The following BRCC3 variants were observed in gnomAD, a reference collection of about 807,000 sequenced individuals.
The protein encoded by BRCC3 is lys-63-specific deubiquitinase BRCC36.
In BRCC3, 15 loss-of-function variants were observed where a neutral mutation model predicts 28.0. The observed-to-expected ratio is 0.54, with a 90% CI of 0.36 to 0.82. The LOEUF is 0.82. Among genes scored for constraint, BRCC3 ranks in the 40% least tolerant of loss-of-function variants. The probability of loss-of-function intolerance (pLI) is 0.01; values close to 1 mark genes in which losing one functional copy is unlikely to be tolerated. For missense variants in BRCC3, 109 were observed against 225.9 expected (o/e 0.48, Z 3.32); for synonymous variants, 66 against 80.3 (o/e 0.82, Z 0.95).
At chrX:155,076,409 A>G (rs1243158742) in intron 3 of BRCC3, among the ~76,000 whole-genome samples, 1 of 106,389 alleles carries the variant, frequency 9.4e-6, no homozygotes, top group Admixed American at 1.0e-4. Context: ...ACAAAAAAAC[A>G]AAAAAAAAAC....
chrX:155,114,106 TG>T (rs2074339348), intron 7 of BRCC3, among the ~76,000 whole-genome samples: 1 of 111,420 alleles, frequency 9.0e-6, no homozygotes, highest in Non-Finnish European at 1.9e-5. Flanking sequence ...TCTCACTTCT[TG>T]GGTGTATATC....
At chrX:155,107,038 A>G (rs1447473759) in intron 7 of BRCC3, among the ~76,000 whole-genome samples, 1 of 111,618 alleles carries the variant, frequency 9.0e-6, no homozygotes, top group Admixed American at 9.4e-5. Context: ...TATGTTAGCC[A>G]GTGGTGTGTC....
At chrX:155,088,807 T>C (rs1212254531) in intron 5 of BRCC3, among the ~76,000 whole-genome samples, 1 of 112,068 alleles carries the variant, frequency 8.9e-6, no homozygotes, top group Non-Finnish European at 1.9e-5. Flanking sequence ...AATGTTGAAT[T>C]TATATCACAA....
chrX:155,080,221 C>T (rs2074075313), intron 5 of BRCC3, among the ~76,000 whole-genome samples: 1 of 111,562 alleles, frequency 9.0e-6, no homozygotes, highest in South Asian at 3.7e-4. Context: ...ATTATTTTCA[C>T]TATAGTAATA....
chrX:155,077,844 C>T (rs1376423226), intron 4 of BRCC3, among the ~76,000 whole-genome samples: 1 of 112,131 alleles, frequency 8.9e-6, no homozygotes, highest in Non-Finnish European at 1.9e-5. Context: ...CCCCATCCCA[C>T]TTTTGTTTTC....
rs781799097 is a variant in BRCC3 at position 155,093,003 on chromosome X, T to C, written c.548+2164T>C. Among the ~76,000 whole-genome samples the C allele has an allele frequency of 5.4e-5, 6 of 111,425 alleles. No homozygotes were observed. The East Asian group carries it at 1.7e-3, about 31-fold the overall frequency. On this transcript the variant is annotated intron_variant, in intron 7 of 10. Transcript: ENST00000330045. Reference sequence around the variant, plus strand: ...TCATAACTTTGAAGGCATTGTTTCATTGTTTTTAAACATCCAATGTTACTG... The same window carrying C: ...TCATAACTTTGAAGGCATTGTTTCACTGTTTTTAAACATCCAATGTTACTG...
intron 5 of BRCC3, among the ~76,000 whole-genome samples, chrX:155,082,779 G>T (rs782781666): frequency 2.8e-4 from 31 of 112,346 alleles, no homozygotes; most frequent in Non-Finnish European, 5.4e-4. Context: ...TTCACATTTT[G>T]CCAGTTAACT....
At chrX:155,082,241 C>T (rs1013089659) in intron 5 of BRCC3, among the ~76,000 whole-genome samples, 2 of 111,851 alleles carry the variant, frequency 1.8e-5, no homozygotes, top group Admixed American at 9.4e-5. Context: ...TGTGCCCTAC[C>T]GTAGCAACAT....
intron 9 of BRCC3, 41 bp downstream of exon 9, chrX:155,116,795 AT>A: frequency 1.0e-6 from 1 of 1,000,988 alleles, no homozygotes; most frequent in Non-Finnish European, 1.4e-6. Flanking sequence ...TTTTCTGACT[AT>A]TTCCCTGAAA....
At chrX:155,086,517 AT>A (rs1179189636) in intron 5 of BRCC3, among the ~76,000 whole-genome samples, 113 of 102,386 alleles carry the variant, frequency 1.1e-3, no homozygotes, top group East Asian at 2.4e-3. Context: ...CGCCTGGCTA[AT>A]TTTTTTTTTT....
In BRCC3 at chrX:155,122,343, A is replaced by G. The variant is rs1557299570; in HGVS notation, c.*1139A>G. ...CTCAATGGCTAAAGAAAAAATAGTG[A>G]AAATACCAAATACTGATGAGGATAC... On this transcript the variant is annotated 3_prime_UTR_variant, in exon 11 of 11. Coordinates refer to ENST00000330045, the MANE Select transcript of BRCC3 (RefSeq NM_001018055.3). 8.9e-6 allele frequency: 1 copy of G among 112,061 alleles called. No homozygotes were observed. Among genetic ancestry groups the G allele is most frequent in the Non-Finnish European group, 1.9e-5 (1 of 53,208 alleles). 9.2% of individuals were successfully genotyped at this position (112,061 alleles called of 1,213,427 possible).
intron 7 of BRCC3, among the ~76,000 whole-genome samples, chrX:155,101,685 T>G (rs782080330): frequency 5.4e-5 from 6 of 112,015 alleles, no homozygotes; most frequent in Non-Finnish European, 7.5e-5. Flanking sequence ...TGTGTTATTT[T>G]GACCTACTCC....
chrX:155,104,491 C>T (rs868958740), intron 7 of BRCC3, among the ~76,000 whole-genome samples: 4 of 112,359 alleles, frequency 3.6e-5, no homozygotes, highest in East Asian at 5.6e-4. Context: ...ATTTTCCATT[C>T]GGACTGTTGA....
intron 7 of BRCC3, among the ~76,000 whole-genome samples, chrX:155,105,575 T>C (rs1250871128): frequency 8.9e-6 from 1 of 112,899 alleles, no homozygotes; most frequent in Non-Finnish European, 1.9e-5. Context: ...CTCTTTCTTT[T>C]TATTCTGTCT....
intron 9 of BRCC3, 143 bp downstream of exon 9, chrX:155,116,897 T>C: frequency 2.3e-6 from 1 of 431,370 alleles, no homozygotes; most frequent in Admixed American, 3.8e-5. Flanking sequence ...GTTTTCCTGA[T>C]CCTGAGCCCA....
intron 3 of BRCC3, among the ~76,000 whole-genome samples, chrX:155,075,156 C>T (rs2074021393): frequency 8.9e-6 from 1 of 111,764 alleles, no homozygotes; most frequent in African/African-American, 3.3e-5. Context: ...CTTTGAATTC[C>T]ATGTGTATTT....
rs1402026107 is a variant in BRCC3, at chrX:155,112,285, A to G, written c.549-3772A>G. On this transcript the variant is annotated intron_variant, in intron 7 of 10. Coordinates refer to ENST00000330045, the MANE Select transcript of BRCC3 (RefSeq NM_001018055.3). ...TGAACATTAGAACTGCAATACCGTG[A>G]CAGTCAATCTGATGGTTACCAAGTG... 2.7e-5 allele frequency among the ~76,000 whole-genome samples: 3 copies of G among 111,699 alleles called. No homozygotes were observed. The Admixed American group carries it at 2.8e-4, about 11-fold the overall frequency.
intron 5 of BRCC3, among the ~76,000 whole-genome samples, chrX:155,084,066 T>C (rs1250333525): frequency 8.9e-6 from 1 of 112,104 alleles, no homozygotes; most frequent in African/African-American, 3.3e-5. Context: ...GGAGGAAACA[T>C]AGGTTTGGTG....
intron 7 of BRCC3, among the ~76,000 whole-genome samples, chrX:155,093,817 T>C (rs1005033316): frequency 7.3e-5 from 8 of 109,697 alleles, no homozygotes; most frequent in Non-Finnish European, 3.8e-5. Flanking sequence ...ATTGACCTAA[T>C]GACTCTTTCT....
Sources: allele counts gnomAD v4.1 joint callset (sites outside exome capture counted in the v4.1 genomes callset), GRCh38; gene constraint gnomAD v4.1.1; transcripts MANE v1.5; gene names NCBI Gene and HGNC (gene_info 2026-07-23, HGNC 2026-07-21).